Variants in RGSL1 observed in about 807,000 individuals in gnomAD.
The protein encoded by RGSL1 is regulator of G protein signaling protein-like.
In RGSL1, 97 loss-of-function variants were observed where a neutral mutation model predicts 124.7. That is an observed-to-expected ratio of 0.78 (90% confidence interval 0.66 to 0.92). RGSL1 has a LOEUF of 0.92. Among genes scored for constraint, RGSL1 ranks in the 40% least tolerant of loss-of-function variants. The pLI is 0.00. For synonymous variants in RGSL1, 424 were observed against 438.1 expected, an observed-to-expected ratio of 0.97 and a Z score of 0.40; for missense variants, 1,233 against 1,288.4, an observed-to-expected ratio of 0.96 and a Z score of 0.66.
At chr1:182,466,385 A>AT (rs1653333042) in intron 4 of RGSL1, among the ~76,000 whole-genome samples, 3 of 152,196 alleles carry the variant, frequency 2.0e-5, no homozygotes, top group Admixed American at 2.0e-4. Context: ...AATGATCTTC[A>AT]TTTGCAGATA....
rs1443241442 is a variant in RGSL1 at position 182,495,600 on chromosome 1, G to A, written c.1825+2471G>A. Among the ~76,000 whole-genome samples, 5 of 152,210 alleles carry A rather than the reference G, an allele frequency of 3.3e-5. No individual in the cohort carries two copies. The South Asian group carries it at 8.3e-4, about 25-fold the overall frequency. On this transcript the variant is annotated intron_variant, in intron 9 of 21. Coordinates refer to ENST00000294854, the MANE Select transcript of RGSL1 (RefSeq NM_001137669.2). ...ACACAAACGAATGCACAGGTTCGCC[G>A]CCAAAGTTCTGCTTATGGCGTTGCA...
chr1:182,458,390 C>T lies in RGSL1; in HGVS notation c.168C>T (p.Asn56=). The part of the protein sequence containing the change: ...QWSLWPEIPC[N]LIAKYKGLLT... Reference sequence around the variant, plus strand: ...GCTTGTGGCCAGAAATACCTTGTAACTTGGTGAGTAAAATTCTTCAGAGGT... The same window carrying T: ...GCTTGTGGCCAGAAATACCTTGTAATTTGGTGAGTAAAATTCTTCAGAGGT... The change falls in exon 3 of 22, where the codon AAC becomes AAT. Residue 56 remains asparagine (N), a synonymous_variant. Transcript: ENST00000294854. 1 of 1,551,348 alleles carries T rather than the reference C, an allele frequency of 6.4e-7. No homozygotes were observed. Among genetic ancestry groups the T allele is most frequent in the African/African-American group, 1.4e-5 (1 of 73,140 alleles).
At chr1:182,539,734 A>G (rs185241249) in intron 14 of RGSL1, among the ~76,000 whole-genome samples, 104 of 152,226 alleles carry the variant, frequency 6.8e-4, no homozygotes, top group Non-Finnish European at 1.3e-4. Flanking sequence ...CACAATCCAA[A>G]TCTTCTAGTG....
At chr1:182,534,632 A>T (rs1452135639) in intron 14 of RGSL1, among the ~76,000 whole-genome samples, 2 of 152,202 alleles carry the variant, frequency 1.3e-5, no homozygotes, top group Admixed American at 1.3e-4. Context: ...ATTCGAGACC[A>T]GCCTAACCAA....
rs377502574 is a variant in RGSL1, at chr1:182,554,685, C to T, written c.3189C>T (p.Pro1063=). Residue 1063 remains proline, a synonymous_variant, in exon 20 of 22, where the codon CCC becomes CCT. Transcript: ENST00000294854. ...RLVVSAMQLH[P]VQGQKLSYIK... is the part of the protein sequence containing the mutation. ...TGGTATCTGCCATGCAGCTGCATCCCGTCCAGGGGTAGGCATGAGCTGGAA... is the reference window on the plus strand; with the variant it reads ...TGGTATCTGCCATGCAGCTGCATCCTGTCCAGGGGTAGGCATGAGCTGGAA... The T allele has an allele frequency of 2.1e-5, 33 of 1,551,568 alleles. No homozygotes were observed. The East Asian group carries it at 4.2e-4, about 20-fold the overall frequency.
chr1:182,530,631 C>T (rs939184904), intron 12 of RGSL1, among the ~76,000 whole-genome samples, 159 bp from the exon 13 acceptor site: 1 of 151,554 alleles, frequency 6.6e-6, no homozygotes, highest in Non-Finnish European at 1.5e-5. Context: ...TTGACATTAA[C>T]AAAGGTCTGA....
chr1:182,476,866 C>G (rs1242640220), intron 6 of RGSL1, among the ~76,000 whole-genome samples: 3 of 152,074 alleles, frequency 2.0e-5, no homozygotes, highest in Non-Finnish European at 2.9e-5. Context: ...ATACAGATAA[C>G]TGCATGGCTT....
intron 1 of RGSL1, among the ~76,000 whole-genome samples, chr1:182,453,706 C>T (rs963424080): frequency 2.6e-5 from 4 of 152,194 alleles, no homozygotes; most frequent in African/African-American, 7.2e-5. Flanking sequence ...AAATCTACCA[C>T]TTCGCCTTCT....
intron 21 of RGSL1, among the ~76,000 whole-genome samples, chr1:182,558,483 C>T (rs1466821366): frequency 2.6e-5 from 4 of 152,162 alleles, no homozygotes; most frequent in African/African-American, 7.2e-5. Context: ...AAGCTAACAT[C>T]AGGGTGTCAG....
intron 1 of RGSL1, among the ~76,000 whole-genome samples, chr1:182,451,961 A>C (rs768304205): frequency 1.8e-4 from 28 of 152,048 alleles, no homozygotes; most frequent in Non-Finnish European, 2.4e-4. Context: ...ATGTAGGGAC[A>C]TGGAGGGGAG....
chr1:182,544,413 T>A (rs371185771), intron 15 of RGSL1, among the ~76,000 whole-genome samples: 1 of 152,080 alleles, frequency 6.6e-6, no homozygotes, highest in African/African-American at 2.4e-5. Context: ...ACTTGTTTTG[T>A]GGTCTGTTTT....
chr1:182,537,929 C>T (rs1659651750), intron 14 of RGSL1, among the ~76,000 whole-genome samples: 1 of 152,136 alleles, frequency 6.6e-6, no homozygotes, highest in African/African-American at 2.4e-5. Context: ...CTTGTAAACT[C>T]TAGCCACATT....
At chr1:182,475,458 C>T (rs1171311683) in intron 6 of RGSL1, among the ~76,000 whole-genome samples, 1 of 152,114 alleles carries the variant, frequency 6.6e-6, no homozygotes, top group Non-Finnish European at 1.5e-5. Context: ...GGGGCAACCA[C>T]AGGGATAGTG....
intron 9 of RGSL1, among the ~76,000 whole-genome samples, chr1:182,508,377 G>A (rs1246360044): frequency 7.8e-6 from 1 of 127,964 alleles, no homozygotes; most frequent in East Asian, 2.4e-4. Flanking sequence ...TCGGCCCACT[G>A]CAACCTCCGC....
At chr1:182,539,960 T>G (rs773711001) in intron 14 of RGSL1, among the ~76,000 whole-genome samples, 1 of 152,236 alleles carries the variant, frequency 6.6e-6, no homozygotes, top group Non-Finnish European at 1.5e-5. Context: ...ATTTTCAGTC[T>G]CTGCAGAAAC....
At chr1:182,467,171 C>T (rs1308021037) in intron 4 of RGSL1, among the ~76,000 whole-genome samples, 5 of 152,166 alleles carry the variant, frequency 3.3e-5, no homozygotes, top group South Asian at 2.1e-4. Context: ...GAATCAATAT[C>T]GTGAAAATGG....
chr1:182,474,423 A>G lies in RGSL1; in HGVS notation c.1312A>G (p.Asn438Asp), dbSNP rs1449153729. 1 of 1,552,036 alleles carries G rather than the reference A, an allele frequency of 6.4e-7. No homozygotes were observed. Among genetic ancestry groups the G allele is most frequent in the African/African-American group, 1.4e-5 (1 of 73,140 alleles). The change falls in exon 6 of 22, where the codon AAT becomes GAT. Residue 438 changes from asparagine to aspartate, a missense_variant. Asn to Asp is a conservative substitution (Grantham distance 23). Transcript: ENST00000294854. Reference sequence around the variant, plus strand: ...TGACAGAATCTGCGAGCTCTACCTGAATGAGCAGATTGGTCCGTGCTTACC... The same window carrying G: ...TGACAGAATCTGCGAGCTCTACCTGGATGAGCAGATTGGTCCGTGCTTACC... ...LGDRICELYL[N>D]EQIGPCLPLK...
At chr1:182,494,811 C>G (rs1427936726) in intron 9 of RGSL1, among the ~76,000 whole-genome samples, 1 of 152,192 alleles carries the variant, frequency 6.6e-6, no homozygotes, top group African/African-American at 2.4e-5. Flanking sequence ...GCTGTGCCTT[C>G]AAAAAGTGGC....
chr1:182,475,614 A>G (rs1384414146), intron 6 of RGSL1, among the ~76,000 whole-genome samples: 7 of 152,128 alleles, frequency 4.6e-5, no homozygotes, highest in Non-Finnish European at 1.0e-4. Context: ...TCATCAGTTG[A>G]GGGATATAAC....
Sources: gnomAD v4.1 joint callset for allele counts (sites outside exome capture counted in the v4.1 genomes callset) on GRCh38, gnomAD v4.1.1 for gene constraint, MANE v1.5 for transcripts, NCBI Gene and HGNC (gene_info 2026-07-23, HGNC 2026-07-21) for gene names.